AFF1: variants seen among roughly 807,000 people sequenced by gnomAD.
The protein encoded by AFF1 is AF4/FMR2 family member 1.
Under a neutral mutation model 121.7 loss-of-function variants are expected in AFF1, and 48 were observed. The observed-to-expected ratio is 0.39, with a 90% confidence interval of 0.31 to 0.50. The LOEUF (loss-of-function observed/expected upper bound fraction) is 0.50, where lower values mean the gene tolerates loss of function less well. Among genes scored for constraint, AFF1 ranks in the 20% least tolerant of loss-of-function variants. The pLI, the probability that AFF1 is intolerant of heterozygous loss-of-function variation, is 0.76. For synonymous variants in AFF1, 613 were observed against 563.0 expected (o/e 1.09, Z -1.26); for missense variants, 1,523 against 1,511.7 (o/e 1.01, Z -0.12).
At chr4:87,013,991 A>C (rs1184977976) in intron 2 of AFF1, among the ~76,000 whole-genome samples, 1 of 152,160 alleles carries the variant, frequency 6.6e-6, no homozygotes, top group Non-Finnish European at 1.5e-5. Flanking sequence ...TTGATATCAT[A>C]TATGCTTATA....
chr4:87,015,200 T>A (rs1199837384), intron 2 of AFF1, among the ~76,000 whole-genome samples: 1 of 152,240 alleles, frequency 6.6e-6, no homozygotes, highest in Non-Finnish European at 1.5e-5. Flanking sequence ...ATTACAGCTA[T>A]AGGAATGTTT....
intron 2 of AFF1, among the ~76,000 whole-genome samples, chr4:86,984,164 C>T (rs1724015785): frequency 6.6e-6 from 1 of 152,078 alleles, no homozygotes; most frequent in African/African-American, 2.4e-5. Flanking sequence ...AGCATTTTGA[C>T]AGAAATTTGT....
chr4:87,063,235 T>TTTTTTTTTTTTTTTTG (rs1720969517), intron 4 of AFF1, among the ~76,000 whole-genome samples: 1 of 109,114 alleles, frequency 9.2e-6, no homozygotes, highest in Non-Finnish European at 1.9e-5. Context: ...CCTCTTTTTT[T>TTTTTTTTTTTTTTTTG]TTTTTTTTTT....
At chr4:86,976,486 G>A (rs866754559) in intron 2 of AFF1, among the ~76,000 whole-genome samples, 1 of 152,162 alleles carries the variant, frequency 6.6e-6, no homozygotes, top group Non-Finnish European at 1.5e-5. Context: ...GCATGGAGCT[G>A]GAGGTCATTA....
intron 4 of AFF1, among the ~76,000 whole-genome samples, chr4:87,057,603 T>C (rs1720283985): frequency 6.6e-6 from 1 of 152,042 alleles, no homozygotes; most frequent in Non-Finnish European, 1.5e-5. Context: ...AGAAAAAGAA[T>C]TTGGACAGAG....
chr4:87,013,032 C>CTTTTTTTTTTTTTTTTTT lies in AFF1; in HGVS notation c.39-33125_39-33108dup, dbSNP rs61071328. Among the ~76,000 whole-genome samples the CTTTTTTTTTTTTTTTTTT allele has an allele frequency of 8.6e-5, 8 of 93,512 alleles. 1 individual carries two copies. Among genetic ancestry groups the CTTTTTTTTTTTTTTTTTT allele is most frequent in the Non-Finnish European group, 1.2e-4 (6 of 49,466 alleles). The allele number at this position is 93,512 out of a possible 152,430, so 61.3% of individuals were successfully genotyped here. A position where few individuals can be genotyped will look rare whatever the true frequency, so the allele number is the denominator to read the frequency against. The stretch of plus-strand genomic sequence containing the variant: ...AACCAGATTGAACTGCTATCAAGTT[C>CTTTTTTTTTTTTTTTTTT]TTTTTTTTTTTTTTTTTTTTTTTTT... On this transcript the variant is annotated intron_variant, in intron 2 of 20. Transcript: ENST00000395146.
intron 4 of AFF1, among the ~76,000 whole-genome samples, chr4:87,051,430 AACGT>A (rs1398163830): frequency 3.0e-5 from 4 of 131,776 alleles, no homozygotes; most frequent in East Asian, 2.1e-4. Context: ...TTTTTTTTTT[AACGT>A]ACTCATTCAA....
At chr4:86,968,567 A>G (rs546236975) in intron 2 of AFF1, among the ~76,000 whole-genome samples, 86 of 152,344 alleles carry the variant, frequency 5.6e-4, no homozygotes, top group African/African-American at 1.9e-3. Context: ...GTGACCTTAC[A>G]TAGGGGTCTT....
chr4:87,027,786 T>G (rs958501251), intron 2 of AFF1, among the ~76,000 whole-genome samples: 2 of 109,282 alleles, frequency 1.8e-5, no homozygotes, highest in South Asian at 3.0e-4. Flanking sequence ...GCTGTTGGGT[T>G]TTTTTTTTTT....
chr4:86,973,963 G>T (rs1272059277), intron 2 of AFF1: 1 of 152,158 alleles, frequency 6.6e-6, no homozygotes. Flanking sequence ...CACACAGCCA[G>T]ATTGTGAAAC....
At chr4:87,049,405 C>G (rs1731051140) in intron 4 of AFF1, among the ~76,000 whole-genome samples, 1 of 152,130 alleles carries the variant, frequency 6.6e-6, no homozygotes, top group African/African-American at 2.4e-5. Flanking sequence ...GAGAGGATTC[C>G]TGTTAACTTA....
intron 4 of AFF1, among the ~76,000 whole-genome samples, chr4:87,048,719 G>GT (rs1286832564): frequency 6.6e-6 from 1 of 152,146 alleles, no homozygotes; most frequent in Non-Finnish European, 1.5e-5. Context: ...GAAGAGGGAG[G>GT]TTGGGGTGCC....
At position 87,134,696 on chromosome 4, in the gene AFF1, T is replaced by C. The variant is rs1448580373; in HGVS notation, c.3535+2T>C. 6.2e-7 allele frequency: 1 copy of C among 1,608,626 alleles called. No homozygotes were observed. Among genetic ancestry groups the C allele is most frequent in the African/African-American group, 1.3e-5 (1 of 74,868 alleles). On this transcript the variant is annotated splice_donor_variant, in intron 20 of 20. Coordinates refer to ENST00000395146, the MANE Select transcript of AFF1 (RefSeq NM_001166693.3). LOFTEE classifies it high-confidence loss of function. ...AGGCCCTCACGAGGAAGAATAAAGGTAAATAAATGGCTTTGTGGTGGTAAT... is the reference window on the plus strand; with the variant it reads ...AGGCCCTCACGAGGAAGAATAAAGGCAAATAAATGGCTTTGTGGTGGTAAT...
chr4:87,094,362 T>C (rs1325011927), intron 7 of AFF1, among the ~76,000 whole-genome samples: 2 of 152,226 alleles, frequency 1.3e-5, no homozygotes, highest in African/African-American at 4.8e-5. Flanking sequence ...ACCCGTTTCA[T>C]GTCCCTCAGT....
chr4:87,059,183 ACT>A (rs1720471326), intron 4 of AFF1, among the ~76,000 whole-genome samples: 1 of 151,810 alleles, frequency 6.6e-6, no homozygotes, highest in African/African-American at 2.4e-5. Flanking sequence ...CTAGCCTAAA[ACT>A]CTTAAAACGT....
chr4:87,106,644 T>C (rs1253370981), intron 10 of AFF1, among the ~76,000 whole-genome samples: 1 of 152,236 alleles, frequency 6.6e-6, no homozygotes, highest in Non-Finnish European at 1.5e-5. Flanking sequence ...AAGCCAGCCA[T>C]ACTTTAGGAA....
At chr4:87,033,140 C>CA (rs1479065907) in intron 2 of AFF1, among the ~76,000 whole-genome samples, 6 of 152,092 alleles carry the variant, frequency 3.9e-5, no homozygotes, top group Admixed American at 3.3e-4. Context: ...GACCCTGTCT[C>CA]AAAAAACAAA....
intron 2 of AFF1, among the ~76,000 whole-genome samples, chr4:87,004,395 ATATT>A (rs1725936016): frequency 6.6e-6 from 1 of 152,224 alleles, no homozygotes; most frequent in Non-Finnish European, 1.5e-5. Context: ...GGTATTTAAA[ATATT>A]TATTTTTAAA....
In AFF1 at chr4:87,114,343, TTTTC is replaced by T; in HGVS notation, c.1534-15_1534-12del. 1.9e-6 allele frequency: 3 copies of T among 1,568,376 alleles called. No homozygotes were observed. The highest frequency in any genetic ancestry group is 2.6e-6 in the Non-Finnish European group (3 of 1,163,422). ...TTTGTCATCAATGGTCAGTTAACACTTTTCTTTCTTTCCTTATTTTTAGCCTGAG... is the reference window on the plus strand; with the variant it reads ...TTTGTCATCAATGGTCAGTTAACACTTTTCTTTCCTTATTTTTAGCCTGAG... On this transcript the variant is annotated intron_variant, in intron 11 of 20. Coordinates refer to ENST00000395146, the MANE Select transcript of AFF1 (RefSeq NM_001166693.3).
Sources: gnomAD v4.1 joint callset for allele counts (sites outside exome capture counted in the v4.1 genomes callset) on GRCh38, gnomAD v4.1.1 for gene constraint, MANE v1.5 for transcripts, NCBI Gene and HGNC (gene_info 2026-07-23, HGNC 2026-07-21) for gene names.